The following CAPN7 variants were observed in gnomAD, a reference collection of about 807,000 sequenced individuals.
The protein encoded by CAPN7 is calpain-7.
CAPN7 carries 72 observed loss-of-function variants against 115.2 expected under a neutral mutation model. The observed-to-expected ratio is 0.63, with a 90% CI of 0.52 to 0.76. CAPN7 has a LOEUF of 0.76. Among genes scored for constraint, CAPN7 ranks in the 30% least tolerant of loss-of-function variants. The pLI is 0.00. For missense variants in CAPN7, 905 were observed against 971.5 expected (o/e 0.93, Z 0.91); for synonymous variants, 344 against 322.3 (o/e 1.07, Z -0.72).
At chr3:15,229,135 G>A (rs1439486030) in intron 8 of CAPN7, 76 bp downstream of exon 8, 5 of 1,013,248 alleles carry the variant, frequency 4.9e-6, no homozygotes, top group Admixed American at 1.8e-5. Context: ...AGCCTTATCT[G>A]TATAGAAAGT....
chr3:15,229,974 A>G (rs1231253533), intron 8 of CAPN7, among the ~76,000 whole-genome samples: 4 of 152,182 alleles, frequency 2.6e-5, no homozygotes, highest in African/African-American at 4.8e-5. Flanking sequence ...ACTATTTGCC[A>G]TATAAGTGGT....
At chr3:15,246,949 C>G (rs374758389) in intron 18 of CAPN7, among the ~76,000 whole-genome samples, 155 bp downstream of exon 18, 1 of 152,184 alleles carries the variant, frequency 6.6e-6, no homozygotes, top group Non-Finnish European at 1.5e-5. Flanking sequence ...AATACAAGAT[C>G]TTCAGTGAGC....
At chr3:15,206,625 G>C (rs879834492) in intron 1 of CAPN7, 28 bp downstream of exon 1, 4 of 1,506,790 alleles carry the variant, frequency 2.7e-6, no homozygotes, top group Non-Finnish European at 3.6e-6. Context: ...GCTTCGGTCG[G>C]AGTTGCTCAG....
In CAPN7 at chr3:15,241,859, A is replaced by T. The variant is rs1321447941; in HGVS notation, c.1788+271A>T. On this transcript the variant is annotated intron_variant, in intron 15 of 20. Coordinates refer to ENST00000253693, the MANE Select transcript of CAPN7 (RefSeq NM_014296.3). ...TGGGGGTTGATCGTGTATAGTTTAG[A>T]TCTTAATATTAACATTGAAATATGC... Among the ~76,000 whole-genome samples, 5 of 152,198 alleles carry T rather than the reference A, an allele frequency of 3.3e-5. No individual in the cohort carries two copies. In the East Asian group the frequency reaches 9.6e-4, roughly 29 times the overall value.
At position 15,252,390 on chromosome 3, in the gene CAPN7, A is replaced by G. The variant is rs1271299279; in HGVS notation, c.*1130A>G. 6.6e-6 allele frequency: 1 copy of G among 152,630 alleles called. No individual in the cohort carries two copies. Among genetic ancestry groups the G allele is most frequent in the African/African-American group, 2.4e-5 (1 of 41,470 alleles). The allele number at this position is 152,630 out of a possible 1,614,324, so 9.5% of individuals were successfully genotyped here. On this transcript the variant is annotated 3_prime_UTR_variant, in exon 21 of 21. Coordinates refer to ENST00000253693, the MANE Select transcript of CAPN7 (RefSeq NM_014296.3). ...GAACAGATTATTTGCATGAAAATAT[A>G]TACTTCAACAAAAATCTGTTCTTTA...
rs1163049010 is a variant in CAPN7, at chr3:15,227,921, A to C, written c.808A>C (p.Asn270His). The C allele has an allele frequency of 3.9e-6, 6 of 1,550,200 alleles. No homozygotes were observed. Among genetic ancestry groups the C allele is most frequent in the African/African-American group, 1.4e-5 (1 of 71,828 alleles). Residue 270 changes from asparagine to histidine, a missense_variant, in exon 7 of 21, where the codon AAT (asparagine) becomes CAT (histidine). Coordinates refer to ENST00000253693, the MANE Select transcript of CAPN7 (RefSeq NM_014296.3). The stretch of plus-strand genomic sequence containing the variant: ...GGTACGACCAGAAGACCTCACCAAC[A>C]ATCCTACAATGATATATACTGTGTC... ...KWVRPEDLTN[N>H]PTMIYTVSSF...
chr3:15,246,609 C>G, intron 17 of CAPN7, 123 bp from the exon 18 acceptor site: 1 of 694,320 alleles, frequency 1.4e-6, no homozygotes, highest in Non-Finnish European at 2.5e-6. Context: ...TGACCTGATA[C>G]TAGGCTGCCT....
intron 6 of CAPN7, among the ~76,000 whole-genome samples, chr3:15,224,400 A>G (rs1694185670): frequency 6.6e-6 from 1 of 151,204 alleles, no homozygotes; most frequent in Non-Finnish European, 1.5e-5. Context: ...AGCCTCTTGT[A>G]TAGCTGGGAC....
intron 9 of CAPN7, among the ~76,000 whole-genome samples, chr3:15,231,807 C>T (rs750609994): frequency 3.9e-5 from 6 of 152,188 alleles, no homozygotes; most frequent in Non-Finnish European, 8.8e-5. Flanking sequence ...GGATTACAGG[C>T]GTGAGCCACC....
intron 16 of CAPN7, among the ~76,000 whole-genome samples, chr3:15,244,087 G>A (rs1445420702): frequency 6.6e-6 from 1 of 152,188 alleles, no homozygotes; most frequent in Non-Finnish European, 1.5e-5. Flanking sequence ...GGAAGCAACT[G>A]TTGACAGTTC....
intron 6 of CAPN7, among the ~76,000 whole-genome samples, chr3:15,224,988 A>G (rs1236858730): frequency 3.3e-5 from 5 of 152,188 alleles, no homozygotes; most frequent in African/African-American, 1.2e-4. Flanking sequence ...CTAGAGCCAG[A>G]CTTTCTGGTC....
intron 7 of CAPN7, among the ~76,000 whole-genome samples, chr3:15,228,452 A>G (rs935586898): frequency 5.3e-5 from 8 of 152,224 alleles, no homozygotes; most frequent in African/African-American, 1.4e-4. Context: ...TAACAAAGAC[A>G]TGGAATCAAC....
rs753810405 is a variant in CAPN7 at position 15,240,656 on chromosome 3, CA to C, written c.1552+48del. On this transcript the variant is annotated intron_variant, in intron 13 of 20. Coordinates refer to ENST00000253693, the MANE Select transcript of CAPN7 (RefSeq NM_014296.3). ...TTTAATTTTAATACCATTTATTCTT[CA>C]AAAAAAAACATGTTTTAACAAGACA... 895 of 1,516,766 alleles carry C rather than the reference CA, an allele frequency of 5.9e-4. 2 individuals carry two copies. Among genetic ancestry groups the C allele is most frequent in the Non-Finnish European group, 3.7e-4 (412 of 1,120,916 alleles). 94.0% of individuals were successfully genotyped at this position (1,516,766 alleles called of 1,614,324 possible).
chr3:15,210,540 G>A (rs994293257), intron 1 of CAPN7, among the ~76,000 whole-genome samples: 4 of 149,138 alleles, frequency 2.7e-5, no homozygotes, highest in Non-Finnish European at 5.9e-5. Flanking sequence ...CTGCCTTTAG[G>A]CTGAATTTTC....
intron 13 of CAPN7, 67 bp downstream of exon 13, chr3:15,240,684 A>C: frequency 3.2e-6 from 5 of 1,543,166 alleles, no homozygotes; most frequent in Non-Finnish European, 4.4e-6. Context: ...AACAAGACAA[A>C]ACATGTGTAA....
rs1300862617 is a variant in CAPN7, at chr3:15,251,720, T to C, written c.*460T>C. The C allele has an allele frequency of 6.6e-6, 1 of 152,578 alleles. No individual in the cohort carries two copies. Among genetic ancestry groups the C allele is most frequent in the Admixed American group, 6.5e-5 (1 of 15,292 alleles). The allele number at this position is 152,578 out of a possible 1,614,324, so 9.5% of individuals were successfully genotyped here. A position where few individuals can be genotyped will look rare whatever the true frequency, so the allele number is the denominator to read the frequency against. On this transcript the variant is annotated 3_prime_UTR_variant, in exon 21 of 21. Coordinates refer to ENST00000253693, the MANE Select transcript of CAPN7 (RefSeq NM_014296.3). ...GGAAGTTAAACCTGCTTGATTCTAC[T>C]ATACATCTTGGGCAACTAGTTACCA...
intron 16 of CAPN7, among the ~76,000 whole-genome samples, chr3:15,242,622 T>G (rs1286836341): frequency 1.3e-5 from 2 of 152,212 alleles, no homozygotes; most frequent in Non-Finnish European, 2.9e-5. Flanking sequence ...TTAATCTACC[T>G]GCCCCCCTTT....
intron 10 of CAPN7, 92 bp downstream of exon 10, chr3:15,232,757 A>G (rs1694768757): frequency 9.0e-7 from 1 of 1,116,300 alleles, no homozygotes; most frequent in East Asian, 2.7e-5. Context: ...CTTTTTGTTT[A>G]TAGGGAAAGA....
In CAPN7 at chr3:15,252,132, G is replaced by C. The variant is rs1696031664; in HGVS notation, c.*872G>C. ...AAAAAAGTGAATTGCCAAGATACTG[G>C]TGTCATGTAAATTCCCACTTTACAT... On this transcript the variant is annotated 3_prime_UTR_variant, in exon 21 of 21. Transcript: ENST00000253693. 6.6e-6 allele frequency: 1 copy of C among 152,560 alleles called. No individual in the cohort carries two copies. Among genetic ancestry groups the C allele is most frequent in the South Asian group, 2.1e-4 (1 of 4,830 alleles). The allele number at this position is 152,560 out of a possible 1,614,324, so 9.5% of individuals were successfully genotyped here. A position where few individuals can be genotyped will look rare whatever the true frequency, so the allele number is the denominator to read the frequency against.
Sources: allele counts gnomAD v4.1 joint callset (sites outside exome capture counted in the v4.1 genomes callset), GRCh38; gene constraint gnomAD v4.1.1; transcripts MANE v1.5; gene names NCBI Gene and HGNC (gene_info 2026-07-23, HGNC 2026-07-21).